AIG1: variants seen among roughly 807,000 people sequenced by gnomAD.
The protein encoded by AIG1 is androgen-induced gene 1 protein.
Under a neutral mutation model 31.4 loss-of-function variants are expected in AIG1, and 23 were observed. The observed-to-expected ratio is 0.73, with a 90% CI of 0.53 to 1.04. The LOEUF (loss-of-function observed/expected upper bound fraction) is 1.04, where lower values mean the gene tolerates loss of function less well. Ranked by LOEUF, AIG1 falls within the 50% of genes least tolerant of loss-of-function variation. AIG1 has a pLI of 0.00. For missense variants in AIG1, 274 were observed against 295.0 expected (o/e 0.93, Z 0.52); for synonymous variants, 100 against 110.5 (o/e 0.90, Z 0.60).
intron 4 of AIG1, among the ~76,000 whole-genome samples, chr6:143,311,373 A>G (rs1010337278): frequency 6.6e-6 from 1 of 151,956 alleles, no homozygotes; most frequent in Non-Finnish European, 1.5e-5. Flanking sequence ...GTCTATGCAT[A>G]TAACAAAATA....
intron 3 of AIG1, among the ~76,000 whole-genome samples, chr6:143,200,662 C>T (rs1011061300): frequency 6.6e-6 from 1 of 152,192 alleles, no homozygotes; most frequent in Non-Finnish European, 1.5e-5. Flanking sequence ...GTTCCCTTGA[C>T]TCTCTGAGTA....
intron 2 of AIG1, among the ~76,000 whole-genome samples, chr6:143,159,124 CAG>C (rs1319201195): frequency 1.3e-5 from 2 of 152,194 alleles, no homozygotes; most frequent in East Asian, 3.8e-4. Flanking sequence ...TGTGAAAGAA[CAG>C]AGAATCCAGC....
chr6:143,164,203 C>T (rs1786700055), intron 2 of AIG1, among the ~76,000 whole-genome samples: 1 of 152,186 alleles, frequency 6.6e-6, no homozygotes, highest in African/African-American at 2.4e-5. Flanking sequence ...CATCACTCTA[C>T]AGAGACTTTT....
At chr6:143,278,563 G>A (rs991726854) in intron 3 of AIG1, among the ~76,000 whole-genome samples, 2 of 151,124 alleles carry the variant, frequency 1.3e-5, no homozygotes, top group African/African-American at 4.9e-5. Flanking sequence ...CTGCCTCCCA[G>A]GTTCAAGTGA....
chr6:143,234,733 T>C (rs1029571144), intron 3 of AIG1, among the ~76,000 whole-genome samples: 2 of 152,174 alleles, frequency 1.3e-5, no homozygotes, highest in Admixed American at 1.3e-4. Flanking sequence ...AGGATATTTC[T>C]GTCAGAAAAG....
intron 2 of AIG1, among the ~76,000 whole-genome samples, chr6:143,154,789 T>G (rs1785574419): frequency 6.6e-6 from 1 of 152,192 alleles, no homozygotes; most frequent in African/African-American, 2.4e-5. Flanking sequence ...TGTGTTATCT[T>G]CCAATTTATG....
At position 143,293,661 on chromosome 6, in the gene AIG1, C is replaced by T. The variant is rs1798211627; in HGVS notation, c.515+9436C>T. On this transcript the variant is annotated intron_variant, in intron 4 of 5. Transcript: ENST00000357847. The surrounding 1 kb of genome is among the most constrained non-coding windows in gnomAD (Gnocchi z 4.8). ...TTATTCTGAGTTTTTTGTTCTCCTACCCCCAACAGCTGGTTCTCAGACATT... is the reference window on the plus strand; with the variant it reads ...TTATTCTGAGTTTTTTGTTCTCCTATCCCCAACAGCTGGTTCTCAGACATT... Among the ~76,000 whole-genome samples the T allele has an allele frequency of 4.6e-5, 7 of 152,142 alleles. No individual in the cohort carries two copies. Among genetic ancestry groups the T allele is most frequent in the Admixed American group, 4.6e-4 (7 of 15,270 alleles).
At chr6:143,248,991 T>A (rs534286679) in intron 3 of AIG1, among the ~76,000 whole-genome samples, 1 of 152,344 alleles carries the variant, frequency 6.6e-6, no homozygotes, top group African/African-American at 2.4e-5. Context: ...CAACCCCCAC[T>A]TATATTTAAT....
chr6:143,156,558 A>G (rs576259431), intron 2 of AIG1, among the ~76,000 whole-genome samples: 21 of 152,314 alleles, frequency 1.4e-4, no homozygotes, highest in South Asian at 6.2e-4. Flanking sequence ...AAATATGTTC[A>G]TGCTTCAGTA....
At chr6:143,084,242 C>T (rs1282091238) in intron 1 of AIG1, among the ~76,000 whole-genome samples, 1 of 152,214 alleles carries the variant, frequency 6.6e-6, no homozygotes, top group African/African-American at 2.4e-5. Flanking sequence ...TGGTTAGTGG[C>T]TTCTGACTCA....
At chr6:143,185,133 T>G (rs1583448841) in intron 3 of AIG1, among the ~76,000 whole-genome samples, 1 of 151,490 alleles carries the variant, frequency 6.6e-6, no homozygotes, top group African/African-American at 2.4e-5. Flanking sequence ...GAGGTGGAGG[T>G]TGCAGTGAGC....
At chr6:143,095,770 C>T (rs1408087810) in intron 1 of AIG1, among the ~76,000 whole-genome samples, 1 of 151,262 alleles carries the variant, frequency 6.6e-6, no homozygotes, top group Non-Finnish European at 1.5e-5. Context: ...ATTGAACAAG[C>T]CAAGAAAGGA....
chr6:143,173,412 T>A (rs761761151), intron 3 of AIG1, among the ~76,000 whole-genome samples: 7 of 152,184 alleles, frequency 4.6e-5, no homozygotes, highest in Non-Finnish European at 8.8e-5. Flanking sequence ...TGGTTATTTC[T>A]TTTCTTCGGT....
At position 143,246,233 on chromosome 6, in the gene AIG1, C is replaced by T. The variant is rs144721827; in HGVS notation, c.400-37877C>T. ...TAGGAATTGTATTCATTTGTTTTCA[C>T]ACTGCTGATAAAGACATACCTGAGA... On this transcript the variant is annotated intron_variant, in intron 3 of 5. Transcript: ENST00000357847. Among the ~76,000 whole-genome samples the T allele has an allele frequency of 4.2e-4, 64 of 151,356 alleles. 2 individuals are homozygous for T. In the East Asian group the frequency reaches 0.012, roughly 28 times the overall value.
intron 1 of AIG1, among the ~76,000 whole-genome samples, chr6:143,135,945 G>A (rs1783688674): frequency 1.3e-5 from 2 of 152,090 alleles, no homozygotes; most frequent in Admixed American, 1.3e-4. Flanking sequence ...TGTGTGCAGG[G>A]GATACATTTT....
chr6:143,272,475 A>G (rs1422313898), intron 3 of AIG1, among the ~76,000 whole-genome samples: 2 of 152,194 alleles, frequency 1.3e-5, no homozygotes, highest in Non-Finnish European at 2.9e-5. Context: ...AACACACACC[A>G]GCTTTTAAAT....
intron 3 of AIG1, among the ~76,000 whole-genome samples, chr6:143,228,454 G>A (rs1583566507): frequency 6.6e-6 from 1 of 152,248 alleles, no homozygotes; most frequent in Non-Finnish European, 1.5e-5. Context: ...GCAGGACTGT[G>A]TGTGGGACAG....
rs894774571 is a variant in AIG1, at chr6:143,326,069, T to A, written c.516-7213T>A. ...AGACACTGGTCTAAGTGTTCTTAAATCTTTCAGCTAATTTTCATTGCCAAT... is the reference window on the plus strand; with the variant it reads ...AGACACTGGTCTAAGTGTTCTTAAAACTTTCAGCTAATTTTCATTGCCAAT... On this transcript the variant is annotated intron_variant, in intron 4 of 5. Transcript: ENST00000357847. This position sits in a 1 kb window ranked among gnomAD's most constrained non-coding sequence, Gnocchi z 4.5. Among the ~76,000 whole-genome samples the A allele has an allele frequency of 3.3e-5, 5 of 152,230 alleles. No individual in the cohort carries two copies. Among genetic ancestry groups the A allele is most frequent in the African/African-American group, 1.2e-4 (5 of 41,468 alleles).
At chr6:143,151,088 A>G (rs1785183986) in intron 2 of AIG1, among the ~76,000 whole-genome samples, 1 of 151,820 alleles carries the variant, frequency 6.6e-6, no homozygotes, top group Non-Finnish European at 1.5e-5. Flanking sequence ...AAGATGACCA[A>G]TTTTTTTTGC....
Sources: gnomAD v4.1 joint callset for allele counts (sites outside exome capture counted in the v4.1 genomes callset) on GRCh38, gnomAD v4.1.1 for gene constraint, Gnocchi (gnomAD v3.1) non-coding constraint, MANE v1.5 for transcripts, NCBI Gene and HGNC (gene_info 2026-07-23, HGNC 2026-07-21) for gene names.